The following TMED8 variants were observed in gnomAD, a reference collection of about 807,000 sequenced individuals.
TMED8 encodes the protein protein TMED8.
A neutral mutation model predicts 32.7 loss-of-function variants in TMED8; 15 were observed. That is an observed-to-expected ratio of 0.46 (90% CI 0.31 to 0.71). The LOEUF is 0.71. TMED8 is among the 30% of genes least tolerant of loss of function. The probability of loss-of-function intolerance (pLI) is 0.06; values close to 1 mark genes in which losing one functional copy is unlikely to be tolerated. For missense variants in TMED8, 390 were observed against 423.9 expected (o/e 0.92, Z 0.70); for synonymous variants, 147 against 161.4 (o/e 0.91, Z 0.68).
intron 1 of TMED8, among the ~76,000 whole-genome samples, chr14:77,370,765 GTA>G (rs147592812): frequency 6.8e-5 from 10 of 147,994 alleles, no homozygotes; most frequent in African/African-American, 1.8e-4. Context: ...GTGTGTGTGT[GTA>G]TACTTTTTCA....
chr14:77,374,189 T>C (rs1893761757), intron 1 of TMED8, among the ~76,000 whole-genome samples: 1 of 152,268 alleles, frequency 6.6e-6, no homozygotes, highest in Non-Finnish European at 1.5e-5. Flanking sequence ...CTTAGAGCTC[T>C]ATTGCTTACT....
At chr14:77,349,835 T>C (rs1371625539) in intron 2 of TMED8, among the ~76,000 whole-genome samples, 4 of 152,220 alleles carry the variant, frequency 2.6e-5, no homozygotes, top group South Asian at 4.1e-4. Context: ...GTCTTAAAAA[T>C]TGATGATATC....
At chr14:77,368,971 C>T (rs1332682475) in intron 1 of TMED8, among the ~76,000 whole-genome samples, 5 of 152,160 alleles carry the variant, frequency 3.3e-5, no homozygotes, top group Admixed American at 2.0e-4. Flanking sequence ...ATGTCTTTCA[C>T]TATATTGAGA....
intron 1 of TMED8, among the ~76,000 whole-genome samples, chr14:77,356,259 G>A (rs1407278707): frequency 6.6e-6 from 1 of 152,032 alleles, no homozygotes; most frequent in African/African-American, 2.4e-5. Context: ...CTACTAACTA[G>A]GTGAATTATT....
chr14:77,346,261 C>CGCAGTGCT, intron 3 of TMED8, 88 bp downstream of exon 3: 1 of 1,413,662 alleles, frequency 7.1e-7, no homozygotes, highest in South Asian at 1.3e-5. Context: ...GAGCCACCCT[C>CGCAGTGCT]GCAGTGCTTT....
Position 77,351,701 on chromosome 14 carries a change from C to A in TMED8, c.169G>T (p.Asp57Tyr), listed in dbSNP as rs777855396. The change falls in exon 2 of 6, where the codon GAT becomes TAT. Residue 57 changes from aspartate to tyrosine, a missense_variant. Coordinates refer to ENST00000216468, the MANE Select transcript of TMED8 (RefSeq NM_213601.3). ...TGGGGTGAGGAGCAGGGTTCTGGATCGGTGGCAGAAGCCAATAAAGAGGTA... is the reference window on the plus strand; with the variant it reads ...TGGGGTGAGGAGCAGGGTTCTGGATAGGTGGCAGAAGCCAATAAAGAGGTA... Reference protein sequence around the residue: ...KDTSLLASATDPEPCSSPHRP... With the variant: ...KDTSLLASATYPEPCSSPHRP... 1 of 1,613,094 alleles carries A rather than the reference C, an allele frequency of 6.2e-7. No homozygotes were observed. The highest frequency in any genetic ancestry group is 8.5e-7 in the Non-Finnish European group (1 of 1,179,568).
Position 77,336,653 on chromosome 14 carries a change from C to G in TMED8, c.*5118G>C, listed in dbSNP as rs1171585093. The G allele has an allele frequency of 5.3e-5, 8 of 151,436 alleles. No individual in the cohort carries two copies. Among genetic ancestry groups the G allele is most frequent in the African/African-American group, 1.9e-4 (8 of 41,234 alleles). 9.4% of individuals were successfully genotyped at this position (151,436 alleles called of 1,614,324 possible). A position where few individuals can be genotyped will look rare whatever the true frequency, so the allele number is the denominator to read the frequency against. ...TCCCCCCATACTCCTACCCTTTGCC[C>G]CCTAATTTTATTTTGTTTTCCCTCG... On this transcript the variant is annotated 3_prime_UTR_variant, in exon 6 of 6. Coordinates refer to ENST00000216468, the MANE Select transcript of TMED8 (RefSeq NM_213601.3).
chr14:77,349,344 C>G (rs192203477), intron 2 of TMED8, among the ~76,000 whole-genome samples: 64 of 152,140 alleles, frequency 4.2e-4, no homozygotes, highest in African/African-American at 1.4e-3. Flanking sequence ...TCTCAAACTT[C>G]TGACCTCAGA....
chr14:77,351,411 ATT>A (rs1181134385), intron 2 of TMED8, among the ~76,000 whole-genome samples: 15,118 of 101,604 alleles, frequency 0.15, 306 homozygotes, highest in South Asian at 0.21. Context: ...CGCCCCGCTA[ATT>A]TTTTTTTTTT....
intron 1 of TMED8, among the ~76,000 whole-genome samples, chr14:77,361,183 T>C (rs1893426787): frequency 6.6e-6 from 1 of 152,128 alleles, no homozygotes; most frequent in African/African-American, 2.4e-5. Context: ...GGTTTCACCA[T>C]GTTGACCAGG....
At chr14:77,375,227 TA>T (rs905021099) in intron 1 of TMED8, among the ~76,000 whole-genome samples, 45 of 147,016 alleles carry the variant, frequency 3.1e-4, no homozygotes, top group Admixed American at 5.4e-4. Context: ...TACATGACAT[TA>T]AAAAAAAAAA....
intron 1 of TMED8, among the ~76,000 whole-genome samples, chr14:77,366,856 T>C (rs1343166550): frequency 6.6e-6 from 1 of 152,162 alleles, no homozygotes; most frequent in Non-Finnish European, 1.5e-5. Flanking sequence ...ATGCCCAAGA[T>C]GACCAGCAAA....
intron 2 of TMED8, among the ~76,000 whole-genome samples, chr14:77,348,972 C>T (rs373485690): frequency 2.8e-4 from 42 of 152,242 alleles, no homozygotes; most frequent in African/African-American, 9.9e-4. Flanking sequence ...AAATTATAGT[C>T]CATTTCTGTT....
At chr14:77,373,570 T>C (rs752140266) in intron 1 of TMED8, among the ~76,000 whole-genome samples, 2 of 152,160 alleles carry the variant, frequency 1.3e-5, no homozygotes, top group African/African-American at 2.4e-5. Flanking sequence ...AGACACTCAA[T>C]AGGTATTCTC....
chr14:77,351,716 A>G lies in TMED8; in HGVS notation c.154T>C (p.Leu52=), dbSNP rs772696735. 3.1e-6 allele frequency: 5 copies of G among 1,613,372 alleles called. No individual in the cohort carries two copies. Among genetic ancestry groups the G allele is most frequent in the Middle Eastern group, 1.6e-4 (1 of 6,062 alleles). The change falls in exon 2 of 6, where the codon TTG becomes CTG. Residue 52 remains leucine, a synonymous_variant. Transcript: ENST00000216468. ...GGTTCTGGATCGGTGGCAGAAGCCA[A>G]TAAAGAGGTATCCTTGTTTTCTAGA... is the stretch of plus-strand genomic sequence containing the variant. ...EDLENKDTSL[L]ASATDPEPCS... is the part of the protein sequence containing the mutation.
chr14:77,346,400 G>A lies in TMED8; in HGVS notation c.276C>T (p.Ala92=). ...RKATGPLEAQ[A]LVKQDLLPAD... ...CAGGCAGCAAATCCTGTTTCACCAA[G>A]GCCTGAGCCTCCAAAGGACCAGTTG... Residue 92 remains alanine (A), a synonymous_variant, in exon 3 of 6, where the codon GCC becomes GCT. Transcript: ENST00000216468. 6.2e-7 allele frequency: 1 copy of A among 1,614,110 alleles called. No individual in the cohort carries two copies. The highest frequency in any genetic ancestry group is 1.7e-5 in the Admixed American group (1 of 60,010).
intron 3 of TMED8, 121 bp from the exon 4 acceptor site, chr14:77,343,944 T>G: frequency 6.2e-6 from 6 of 973,394 alleles, no homozygotes; most frequent in Non-Finnish European, 8.7e-6. Flanking sequence ...CAAAGCTTAA[T>G]GTACTAGTCA....
At chr14:77,343,107 C>CAA (rs1444038669) in intron 5 of TMED8, 71 bp downstream of exon 5, 2 of 1,492,594 alleles carry the variant, frequency 1.3e-6, no homozygotes, top group Non-Finnish European at 1.8e-6. Context: ...AGGACTGGTA[C>CAA]AACCCACAAA....
intron 1 of TMED8, among the ~76,000 whole-genome samples, chr14:77,355,432 G>A (rs1453884001): frequency 1.3e-5 from 2 of 152,098 alleles, no homozygotes; most frequent in Non-Finnish European, 2.9e-5. Flanking sequence ...CTGACCTCAG[G>A]TGATCCACCC....
Sources: gnomAD v4.1 joint callset for allele counts (sites outside exome capture counted in the v4.1 genomes callset) on GRCh38, gnomAD v4.1.1 for gene constraint, MANE v1.5 for transcripts, NCBI Gene and HGNC (gene_info 2026-07-23, HGNC 2026-07-21) for gene names.